TPP2: variants seen among roughly 807,000 people sequenced by gnomAD.
The protein encoded by TPP2 is tripeptidyl-peptidase 2.
Under a neutral mutation model 155.9 loss-of-function variants are expected in TPP2, and 34 were observed. The ratio of observed to expected loss-of-function variants is 0.22; its 90% CI spans 0.17 to 0.29. The LOEUF is 0.29. Among genes scored for constraint, TPP2 ranks in the 10% least tolerant of loss-of-function variants. TPP2 has a pLI of 1.00. For synonymous variants in TPP2, 510 were observed against 529.4 expected, an observed-to-expected ratio of 0.96 and a Z score of 0.50; for missense variants, 1,028 against 1,522.3, an observed-to-expected ratio of 0.68 and a Z score of 5.40.
chr13:102,636,156 G>T, intron 12 of TPP2, 68 bp from the exon 13 acceptor site: 2 of 1,431,498 alleles, frequency 1.4e-6, no homozygotes, highest in East Asian at 2.4e-5. Context: ...CAAATTGATT[G>T]GTAATTTGCA....
chr13:102,640,428 G>C (rs1384166431), intron 16 of TPP2, 52 bp downstream of exon 16: 1 of 1,409,650 alleles, frequency 7.1e-7, no homozygotes, highest in Non-Finnish European at 1.0e-6. Context: ...ACGTTCTAAT[G>C]ACTATAGCTG....
chr13:102,657,708 T>C (rs1266047646), intron 25 of TPP2, among the ~76,000 whole-genome samples: 1 of 152,214 alleles, frequency 6.6e-6, no homozygotes, highest in Non-Finnish European at 1.5e-5. Context: ...TATATGTTTA[T>C]AGCTTTTCTT....
intron 3 of TPP2, among the ~76,000 whole-genome samples, chr13:102,614,761 A>G (rs536617244): frequency 6.6e-6 from 1 of 152,302 alleles, no homozygotes; most frequent in African/African-American, 2.4e-5. Context: ...AAACAGTTCA[A>G]TAGAACTTTC....
chr13:102,600,997 C>G (rs1045807964), intron 1 of TPP2, among the ~76,000 whole-genome samples: 1 of 152,054 alleles, frequency 6.6e-6, no homozygotes, highest in Non-Finnish European at 1.5e-5. Flanking sequence ...TTTAAGCAAG[C>G]CTCCTGCCTC....
intron 25 of TPP2, among the ~76,000 whole-genome samples, chr13:102,659,303 A>C (rs755478330): frequency 6.6e-6 from 1 of 152,224 alleles, no homozygotes; most frequent in African/African-American, 2.4e-5. Flanking sequence ...AAATATATTC[A>C]GTGAAATAAT....
At position 102,636,304 on chromosome 13, in the gene TPP2, C is replaced by T; in HGVS notation, c.1590C>T (p.Asn530=). Residue 530 remains asparagine, a synonymous_variant, in exon 13 of 30, where the codon AAC becomes AAT. Transcript: ENST00000376052. ...GTTTTACTGTTACTGTTGGAAATAA[C>T]CGTGGCATCTACCTCCGAGATCCTG... ...KLGFTVTVGN[N]RGIYLRDPVQ... is the part of the protein sequence containing the mutation. 1.9e-6 allele frequency: 3 copies of T among 1,613,796 alleles called. No homozygotes were observed. Among genetic ancestry groups the T allele is most frequent in the Non-Finnish European group, 1.7e-6 (2 of 1,179,876 alleles).
chr13:102,669,302 G>A (rs921536514), intron 27 of TPP2, among the ~76,000 whole-genome samples: 13 of 152,136 alleles, frequency 8.5e-5, no homozygotes, highest in Admixed American at 7.2e-4. Context: ...ACGTTCTACT[G>A]TGGCCTGTCC....
intron 3 of TPP2, 80 bp downstream of exon 3, chr13:102,614,276 A>C: frequency 8.0e-7 from 1 of 1,247,090 alleles, no homozygotes; most frequent in Non-Finnish European, 1.1e-6. Flanking sequence ...CTGAAGAAAA[A>C]GAAATATTTC....
At chr13:102,667,116 C>T (rs1884660338) in intron 27 of TPP2, among the ~76,000 whole-genome samples, 1 of 152,174 alleles carries the variant, frequency 6.6e-6, no homozygotes, top group African/African-American at 2.4e-5. Context: ...GGGCAAGTAG[C>T]AGCCAACTTA....
chr13:102,638,818 C>T (rs560395595), intron 15 of TPP2, among the ~76,000 whole-genome samples: 3 of 152,276 alleles, frequency 2.0e-5, no homozygotes, highest in African/African-American at 7.2e-5. Context: ...TATATTACTT[C>T]CTGCTTAAAG....
intron 28 of TPP2, among the ~76,000 whole-genome samples, chr13:102,675,652 G>A (rs1885238568): frequency 6.6e-6 from 1 of 152,120 alleles, no homozygotes; most frequent in Non-Finnish European, 1.5e-5. Context: ...TAATAAAATT[G>A]TTATAGATCA....
chr13:102,602,924 G>T (rs903423155), intron 1 of TPP2, among the ~76,000 whole-genome samples: 1 of 148,876 alleles, frequency 6.7e-6, no homozygotes. Flanking sequence ...TTTGTTTTTC[G>T]TTTTTTGTTT....
At chr13:102,674,206 G>A in intron 27 of TPP2, 77 bp from the exon 28 acceptor site, 1 of 1,433,364 alleles carries the variant, frequency 7.0e-7, no homozygotes, top group Non-Finnish European at 9.4e-7. Flanking sequence ...AAGAATACAT[G>A]AATTTAAATT....
At chr13:102,613,966 CGTT>C (rs1880517518) in intron 2 of TPP2, 132 bp from the exon 3 acceptor site, 9 of 648,870 alleles carry the variant, frequency 1.4e-5, no homozygotes, top group Admixed American at 3.3e-5. Flanking sequence ...GTATTAAACA[CGTT>C]GTTGTACATG....
In TPP2 at chr13:102,640,642, T is replaced by TTTG. The variant is rs1882696689; in HGVS notation, c.2020+268_2020+269insGTT. Among the ~76,000 whole-genome samples the TTTG allele has an allele frequency of 3.0e-4, 7 of 22,974 alleles. No homozygotes were observed. The East Asian group carries it at 8.9e-3, about 29-fold the overall frequency. The allele number at this position is 22,974 out of a possible 152,430, so 15.1% of individuals were successfully genotyped here. A position where few individuals can be genotyped will look rare whatever the true frequency, so the allele number is the denominator to read the frequency against. Reference sequence around the variant, plus strand: ...AGAATAATGCCTTACCTGGTAATAATTTTTTTTTTTTTTTTTTTTTTTTTT... The same window carrying TTTG: ...AGAATAATGCCTTACCTGGTAATAATTTGTTTTTTTTTTTTTTTTTTTTTTTTT... On this transcript the variant is annotated intron_variant, in intron 16 of 29. Coordinates refer to ENST00000376052, the MANE Select transcript of TPP2 (RefSeq NM_001330588.2).
chr13:102,597,644 T>A (rs898679517), intron 1 of TPP2, among the ~76,000 whole-genome samples: 2 of 152,232 alleles, frequency 1.3e-5, no homozygotes, highest in Non-Finnish European at 2.9e-5. Context: ...AGCCTGACGT[T>A]TTTAAAGAGA....
intron 16 of TPP2, among the ~76,000 whole-genome samples, chr13:102,642,773 G>A (rs1023711249): frequency 1.3e-5 from 2 of 152,202 alleles, no homozygotes; most frequent in Non-Finnish European, 2.9e-5. Flanking sequence ...AGTAGACCAA[G>A]AAGAGAGATT....
rs1205187698 is a variant in TPP2 at position 102,616,422 on chromosome 13, C to T, written c.417C>T (p.Asp139=). ...IQKERKEKIW[D]PVHRVALAEA... ...AAGAACGGAAGGAAAAAATCTGGGACCCTGTTCACAGAGTGGCCCTTGCAG... is the reference window on the plus strand; with the variant it reads ...AAGAACGGAAGGAAAAAATCTGGGATCCTGTTCACAGAGTGGCCCTTGCAG... Residue 139 remains aspartate, a synonymous_variant, in exon 4 of 30, where the codon GAC becomes GAT. Transcript: ENST00000376052. 3.7e-6 allele frequency: 6 copies of T among 1,612,020 alleles called. No individual in the cohort carries two copies. The highest frequency in any genetic ancestry group is 4.2e-6 in the Non-Finnish European group (5 of 1,179,286).
chr13:102,602,538 C>T (rs184032232), intron 1 of TPP2, among the ~76,000 whole-genome samples: 1 of 152,152 alleles, frequency 6.6e-6, no homozygotes, highest in East Asian at 1.9e-4. Flanking sequence ...AGCTATCAGG[C>T]CCTCAGTTGT....
Sources: allele counts gnomAD v4.1 joint callset (sites outside exome capture counted in the v4.1 genomes callset), GRCh38; gene constraint gnomAD v4.1.1; transcripts MANE v1.5; gene names NCBI Gene and HGNC (gene_info 2026-07-23, HGNC 2026-07-21).